Variants in TSHZ3 observed in about 807,000 individuals in gnomAD.
TSHZ3 encodes teashirt homolog 3.
Under a neutral mutation model 64.5 loss-of-function variants are expected in TSHZ3, and 10 were observed. That is an observed-to-expected ratio of 0.16 (90% CI 0.10 to 0.26). The LOEUF (loss-of-function observed/expected upper bound fraction) is 0.26, where lower values mean the gene tolerates loss of function less well. TSHZ3 is among the 10% of genes least tolerant of loss of function. The pLI is 1.00. For missense variants in TSHZ3, 1,242 were observed against 1,421.7 expected (o/e 0.87, Z 2.03); for synonymous variants, 608 against 593.1 (o/e 1.03, Z -0.36).
chr19:31,321,743 C>T (rs1916777637), intron 1 of TSHZ3, among the ~76,000 whole-genome samples: 1 of 152,038 alleles, frequency 6.6e-6, no homozygotes, highest in African/African-American at 2.4e-5. Flanking sequence ...GAAGGTAGTG[C>T]TTAATTGTCG....
chr19:31,247,703 T>G (rs1975775436), intron 1 of TSHZ3, among the ~76,000 whole-genome samples: 1 of 152,314 alleles, frequency 6.6e-6, no homozygotes, highest in East Asian at 1.9e-4. Context: ...CTTCCTGATT[T>G]TTGTGTATTT....
At chr19:31,211,291 A>C (rs149376152) in intron 4 of TSHZ3, among the ~76,000 whole-genome samples, 320 of 152,280 alleles carry the variant, frequency 2.1e-3, no homozygotes, top group African/African-American at 7.5e-3. Context: ...TCAACAGGTA[A>C]TTGTGTGTGT....
chr19:31,333,143 A>G (rs1463969680), intron 1 of TSHZ3, among the ~76,000 whole-genome samples: 1 of 150,210 alleles, frequency 6.7e-6, no homozygotes. Flanking sequence ...TAAATAAATA[A>G]ATAAATAAAT....
upstream of TSHZ3, among the ~76,000 whole-genome samples, chr19:31,350,638 C>A (rs2021692378): frequency 6.6e-6 from 1 of 151,718 alleles, no homozygotes; most frequent in African/African-American, 2.4e-5. Context: ...CGCTGAGGCT[C>A]CGGGCCGGCC....
chr19:31,208,921 T>A (rs1975223240), intron 4 of TSHZ3, among the ~76,000 whole-genome samples: 1 of 152,212 alleles, frequency 6.6e-6, no homozygotes, highest in African/African-American at 2.4e-5. Context: ...GGGGTTGGTA[T>A]CAGGTGGAGC....
chr19:31,288,300 A>T (rs1348199297), intron 1 of TSHZ3, among the ~76,000 whole-genome samples: 1 of 152,198 alleles, frequency 6.6e-6, no homozygotes, highest in East Asian at 1.9e-4. Context: ...ATCAACTTCA[A>T]CACATGCCTA....
chr19:31,182,874 C>T (rs1974738694), intron 5 of TSHZ3, among the ~76,000 whole-genome samples: 1 of 152,144 alleles, frequency 6.6e-6, no homozygotes, highest in South Asian at 2.1e-4. Flanking sequence ...CCACAGTACA[C>T]AGGTAACTGG....
chr19:31,296,327 ATTTTTTTTTTTT>A (rs35057697), intron 1 of TSHZ3, among the ~76,000 whole-genome samples: 1 of 94,024 alleles, frequency 1.1e-5, no homozygotes, highest in Non-Finnish European at 2.0e-5. Context: ...AGTGCTGTGA[ATTTTTTTTTTTT>A]TTTTTTTTTT....
At chr19:31,166,784 G>A (rs778403288) in intron 5 of TSHZ3, among the ~76,000 whole-genome samples, 7 of 152,064 alleles carry the variant, frequency 4.6e-5, no homozygotes, top group African/African-American at 7.2e-5. Flanking sequence ...ATGCCCCTAC[G>A]GCATGCAAAA....
intron 5 of TSHZ3, chr19:31,167,978 G>A (rs567789912): frequency 1.3e-5 from 2 of 152,300 alleles, no homozygotes; most frequent in South Asian, 2.1e-4. Flanking sequence ...TCCACGGTGT[G>A]TTTCTAAAAG....
At chr19:31,219,886 T>A (rs889404587) in intron 4 of TSHZ3, among the ~76,000 whole-genome samples, 3 of 150,436 alleles carry the variant, frequency 2.0e-5, no homozygotes, top group Non-Finnish European at 1.5e-5. Flanking sequence ...TATAATTGAA[T>A]ATATATGGAA....
intron 3 of TSHZ3, among the ~76,000 whole-genome samples, chr19:31,235,876 G>A (rs922405868): frequency 1.3e-5 from 2 of 150,914 alleles, no homozygotes; most frequent in Non-Finnish European, 3.0e-5. Context: ...CAACACACCT[G>A]GCTAATTTTT....
chr19:31,295,189 G>A (rs969059827), intron 1 of TSHZ3, among the ~76,000 whole-genome samples: 1 of 152,160 alleles, frequency 6.6e-6, no homozygotes, highest in South Asian at 2.1e-4. Context: ...GAGAAGATAC[G>A]GAACACTGGA....
intron 5 of TSHZ3, among the ~76,000 whole-genome samples, chr19:31,169,547 A>C (rs1315341436): frequency 1.3e-5 from 2 of 152,202 alleles, no homozygotes; most frequent in Non-Finnish European, 2.9e-5. Context: ...GATGGCAGTA[A>C]TGATTATACA....
In TSHZ3 at chr19:31,276,006, G is replaced by C. The variant is rs1278248122; in HGVS notation, c.*541C>G. The C allele has an allele frequency of 6.6e-6, 1 of 152,380 alleles. No individual in the cohort carries two copies. The allele number at this position is 152,380 out of a possible 1,614,324, so 9.4% of individuals were successfully genotyped here. ...AAATAATATTCTTTTAAATTTCAAG[G>C]CGTGTTATACCCCTGCAGACCTGCA... On this transcript the variant is annotated 3_prime_UTR_variant, in exon 2 of 2. Coordinates refer to ENST00000240587, the MANE Select transcript of TSHZ3 (RefSeq NM_020856.4).
intron 1 of TSHZ3, among the ~76,000 whole-genome samples, chr19:31,303,980 AT>A (rs35985133): frequency 0.22 from 31,712 of 146,518 alleles, 8,050 homozygotes; most frequent in African/African-American, 0.62. Flanking sequence ...TTTTATTTTC[AT>A]TTTTTTTTTT....
chr19:31,243,891 C>T (rs538340982), intron 1 of TSHZ3, among the ~76,000 whole-genome samples: 13 of 152,090 alleles, frequency 8.5e-5, no homozygotes, highest in East Asian at 1.9e-4. Flanking sequence ...TGGAGGAGGG[C>T]GGTTTGCACT....
At chr19:31,307,982 A>G (rs887238207) in intron 1 of TSHZ3, among the ~76,000 whole-genome samples, 3 of 152,236 alleles carry the variant, frequency 2.0e-5, no homozygotes, top group African/African-American at 7.2e-5. Context: ...TTTCTGTCCT[A>G]TCATGTAGAA....
rs989283610 is a variant in TSHZ3, at chr19:31,349,391, C to G, written c.-172G>C. The G allele has an allele frequency of 1.3e-5, 6 of 478,236 alleles. No individual in the cohort carries two copies. The highest frequency in any genetic ancestry group is 8.2e-5 in the African/African-American group (4 of 48,788). The allele number at this position is 478,236 out of a possible 1,614,324, so 29.6% of individuals were successfully genotyped here. A position where few individuals can be genotyped will look rare whatever the true frequency, so the allele number is the denominator to read the frequency against. ...TGCGCCCAGGCTCTCCGCGTCCCCC[C>G]CGCGCCGCGCTCCGCCGCGAACCCC... is the stretch of plus-strand genomic sequence containing the variant. On this transcript the variant is annotated 5_prime_UTR_variant, in exon 1 of 2. Coordinates refer to ENST00000240587, the MANE Select transcript of TSHZ3 (RefSeq NM_020856.4).
Sources: gnomAD v4.1 joint callset for allele counts (sites outside exome capture counted in the v4.1 genomes callset) on GRCh38, gnomAD v4.1.1 for gene constraint, MANE v1.5 for transcripts, NCBI Gene and HGNC (gene_info 2026-07-23, HGNC 2026-07-21) for gene names.